The following RBFOX1 variants were observed in gnomAD, a reference collection of about 807,000 sequenced individuals.
The protein encoded by RBFOX1 is RNA binding protein fox-1 homolog 1.
A neutral mutation model predicts 57.7 loss-of-function variants in RBFOX1; 8 were observed. The ratio of observed to expected loss-of-function variants is 0.14; its 90% CI spans 0.08 to 0.25. The LOEUF is 0.25. RBFOX1 is among the 10% of genes least tolerant of loss of function. RBFOX1 has a pLI of 1.00. For synonymous variants in RBFOX1, 326 were observed against 222.4 expected (o/e 1.47, Z -4.15); for missense variants, 611 against 548.5 (o/e 1.11, Z -1.14).
intron 1 of RBFOX1, among the ~76,000 whole-genome samples, chr16:6,281,737 G>C (rs2152700363): frequency 6.6e-6 from 1 of 152,276 alleles, no homozygotes; most frequent in African/African-American, 2.4e-5. Context: ...CATTTGCTGA[G>C]TGCTGTGGAT....
intron 2 of RBFOX1, among the ~76,000 whole-genome samples, chr16:6,485,350 C>G (rs1002923698): frequency 1.3e-5 from 2 of 151,432 alleles, no homozygotes; most frequent in East Asian, 3.9e-4. Context: ...CCTCTCTTAC[C>G]CCTCTTCTCT....
Position 6,019,976 on chromosome 16 carries a change from C to A in RBFOX1, c.-143C>A. Reference sequence around the variant, plus strand: ...GGCCGAGAACGTGACCGCAGCCGGGCTCGCCGGGAGTTCTAGGTAAGTCCA... The same window carrying A: ...GGCCGAGAACGTGACCGCAGCCGGGATCGCCGGGAGTTCTAGGTAAGTCCA... On this transcript the variant is annotated 5_prime_UTR_variant, in exon 1 of 16. Coordinates refer to ENST00000550418, the MANE Select transcript of RBFOX1 (RefSeq NM_018723.4). The surrounding 1 kb of genome is among the most constrained non-coding windows in gnomAD (Gnocchi z 4.2). 17 of 1,530,112 alleles carry A rather than the reference C, an allele frequency of 1.1e-5. No homozygotes were observed. The highest frequency in any genetic ancestry group is 1.5e-5 in the Non-Finnish European group (17 of 1,143,158). 94.8% of individuals were successfully genotyped at this position (1,530,112 alleles called of 1,614,324 possible).
chr16:7,707,026 A>G (rs1305202017), intron 14 of RBFOX1, among the ~76,000 whole-genome samples: 1 of 152,194 alleles, frequency 6.6e-6, no homozygotes, highest in South Asian at 2.1e-4. Context: ...GGTGTCCCCA[A>G]AGAATGAAAG....
intron 4 of RBFOX1, among the ~76,000 whole-genome samples, chr16:7,193,239 G>C (rs980378122): frequency 3.3e-5 from 5 of 152,308 alleles, no homozygotes; most frequent in Non-Finnish European, 5.9e-5. Flanking sequence ...TTCCTGAAAA[G>C]AACTCAACAC....
intron 5 of RBFOX1, among the ~76,000 whole-genome samples, chr16:7,570,373 T>C (rs5028448): frequency 0.55 from 83,890 of 151,952 alleles, 23,354 homozygotes; most frequent in East Asian, 0.67. Context: ...CCCTCTCCCC[T>C]ACTGAGCACA....
At chr16:5,750,036 G>A (rs910441968) in intron 3 of RBFOX1, among the ~76,000 whole-genome samples, 4 of 152,154 alleles carry the variant, frequency 2.6e-5, no homozygotes, top group East Asian at 1.9e-4. Flanking sequence ...ATGTACAGAT[G>A]CGGTTTTGGT....
rs145873257 is a variant in RBFOX1 at position 7,709,117 on chromosome 16, G to A, written c.1057G>A (p.Gly353Ser). 3,040 of 1,612,934 alleles carry A rather than the reference G, an allele frequency of 1.9e-3. 8 individuals carry two copies. Among genetic ancestry groups the A allele is most frequent in the Middle Eastern group, 2.8e-3 (17 of 6,060 alleles). ...HHALAPAPTYGVGAMNAFAPL... is the reference protein window; with the variant it reads ...HHALAPAPTYSVGAMNAFAPL... ...CGCACTTGCTCCAGCCCCCACCTAC[G>A]GCGTTGGTGCCATGGTGAGTACAAG... Residue 353 changes from glycine to serine, a missense_variant, in exon 15 of 16, where the codon GGC becomes AGC. By Grantham distance (56) the Gly-to-Ser change is moderately conservative. Around this residue, in one of 3 missense-constraint regions of RBFOX1, gnomAD observed 267 missense variants for 229.1 expected, o/e 1.17. Transcript: ENST00000550418.
At chr16:7,025,986 A>T (rs2040804488) in intron 3 of RBFOX1, among the ~76,000 whole-genome samples, 1 of 152,168 alleles carries the variant, frequency 6.6e-6, no homozygotes, top group South Asian at 2.1e-4. Context: ...AGGTATCTGT[A>T]GACTGGTCAT....
chr16:7,152,873 C>A (rs918026967), intron 4 of RBFOX1, among the ~76,000 whole-genome samples: 1 of 152,122 alleles, frequency 6.6e-6, no homozygotes, highest in Non-Finnish European at 1.5e-5. Context: ...TAATCATTTG[C>A]AAGACTCAAG....
intron 3 of RBFOX1, among the ~76,000 whole-genome samples, chr16:6,841,199 A>G (rs1248266679): frequency 2.6e-5 from 4 of 152,166 alleles, no homozygotes; most frequent in Non-Finnish European, 5.9e-5. Flanking sequence ...ATGATTATGA[A>G]AAGATTTAGT....
intron 4 of RBFOX1, among the ~76,000 whole-genome samples, chr16:5,875,306 C>G (rs1266029413): frequency 6.6e-6 from 1 of 152,146 alleles, no homozygotes; most frequent in Non-Finnish European, 1.5e-5. Flanking sequence ...ATAGTGGGAG[C>G]CATATCTGAA....
At chr16:6,396,614 G>A (rs543113094) in intron 2 of RBFOX1, among the ~76,000 whole-genome samples, 37 of 152,310 alleles carry the variant, frequency 2.4e-4, no homozygotes, top group African/African-American at 8.7e-4. Flanking sequence ...CAGAATGGGA[G>A]TGTGAATCCA....
intron 2 of RBFOX1, among the ~76,000 whole-genome samples, chr16:6,461,870 T>C (rs2094928789): frequency 1.3e-5 from 2 of 152,242 alleles, no homozygotes; most frequent in South Asian, 2.1e-4. Flanking sequence ...ATGGATATTT[T>C]CATTGTTCAG....
intron 2 of RBFOX1, among the ~76,000 whole-genome samples, chr16:6,617,191 C>T (rs939750663): frequency 3.3e-5 from 5 of 151,854 alleles, no homozygotes; most frequent in Non-Finnish European, 1.5e-5. Context: ...TTGATCTCAT[C>T]TGTATAGGGT....
At chr16:5,783,801 G>T (rs1425208018) in intron 3 of RBFOX1, among the ~76,000 whole-genome samples, 1 of 152,124 alleles carries the variant, frequency 6.6e-6, no homozygotes, top group African/African-American at 2.4e-5. Flanking sequence ...GTTCCCAGGG[G>T]GCAGGCTCCC....
intron 3 of RBFOX1, among the ~76,000 whole-genome samples, chr16:6,735,017 T>A (rs939731313): frequency 2.0e-5 from 3 of 152,076 alleles, no homozygotes; most frequent in African/African-American, 7.2e-5. Context: ...GCACAGTGTA[T>A]GTCTGTGTTC....
intron 2 of RBFOX1, chr16:5,467,374 A>T: frequency 1.0e-6 from 1 of 965,304 alleles, no homozygotes. Flanking sequence ...ATCTGTAATC[A>T]ACCACAGCAC....
intron 3 of RBFOX1, among the ~76,000 whole-genome samples, chr16:6,786,577 A>G (rs1410570295): frequency 1.3e-5 from 2 of 152,166 alleles, no homozygotes; most frequent in Non-Finnish European, 2.9e-5. Flanking sequence ...CTCTCCAAAA[A>G]TTAATAATAA....
chr16:7,362,607 A>C (rs117043549), intron 4 of RBFOX1, among the ~76,000 whole-genome samples: 1 of 149,748 alleles, frequency 6.7e-6, no homozygotes, highest in African/African-American at 2.5e-5. Context: ...GTTCTTGTGT[A>C]TATGTTTTGC....
Sources: gnomAD v4.1 joint callset for allele counts (sites outside exome capture counted in the v4.1 genomes callset) on GRCh38, gnomAD v4.1.1 for gene constraint, gnomAD v4.1.1 regional missense constraint, Gnocchi (gnomAD v3.1) non-coding constraint, MANE v1.5 for transcripts, NCBI Gene and HGNC (gene_info 2026-07-23, HGNC 2026-07-21) for gene names.